ADGRL4: variants seen among roughly 807,000 people sequenced by gnomAD.
ADGRL4 encodes the protein EGF, latrophilin and seven transmembrane domain containing 1.
In ADGRL4, 90 loss-of-function variants were observed where a neutral mutation model predicts 74.8. That is an observed-to-expected ratio of 1.20 (90% confidence interval 1.02 to 1.43). The LOEUF is 1.43. Ranked by LOEUF, ADGRL4 falls within the 40% of genes most tolerant of loss-of-function variation. The probability of loss-of-function intolerance (pLI) is 0.00; values close to 1 mark genes in which losing one functional copy is unlikely to be tolerated. For synonymous variants in ADGRL4, 311 were observed against 279.2 expected (o/e 1.11, Z -1.14); for missense variants, 881 against 814.3 (o/e 1.08, Z -1.00).
intron 2 of ADGRL4, among the ~76,000 whole-genome samples, chr1:78,976,859 A>C (rs1650294004): frequency 6.6e-6 from 1 of 151,526 alleles, no homozygotes. Context: ...ATTTAAGAAA[A>C]AAATACTAAC....
At chr1:78,945,177 A>AAAATATAT (rs376405445) in intron 3 of ADGRL4, among the ~76,000 whole-genome samples, 61 of 127,918 alleles carry the variant, frequency 4.8e-4, no homozygotes, top group Middle Eastern at 4.0e-3. Flanking sequence ...AAAAAAAAAA[A>AAAATATAT]ATATATATAT....
chr1:78,975,268 G>A (rs1425008478), intron 2 of ADGRL4, among the ~76,000 whole-genome samples: 1 of 151,976 alleles, frequency 6.6e-6, no homozygotes, highest in Non-Finnish European at 1.5e-5. Flanking sequence ...GATGAAGAAA[G>A]TATTAATTAC....
rs1212616999 is a variant in ADGRL4 at position 78,917,843 on chromosome 1, C to T, written c.1669G>A (p.Gly557Ser). Reference protein sequence around the residue: ...FSAALGYRYYGTTKVCWLSTE... With the variant: ...FSAALGYRYYSTTKVCWLSTE... ...ATTTTAACTTACACTTTGGTTGTGC[C>T]ATAATATCTGTATCCTAGTGCTGCC... The change falls in exon 11 of 15, where the codon GGC becomes AGC. Residue 557 changes from glycine to serine, a missense_variant. By Grantham distance (56) the Gly-to-Ser change is moderately conservative. Coordinates refer to ENST00000370742, the MANE Select transcript of ADGRL4 (RefSeq NM_022159.4). 1 of 1,612,344 alleles carries T rather than the reference C, an allele frequency of 6.2e-7. No homozygotes were observed. Among genetic ancestry groups the T allele is most frequent in the South Asian group, 1.1e-5 (1 of 91,018 alleles).
Position 78,905,682 on chromosome 1 carries a change from T to C in ADGRL4, c.1749+11952A>G, listed in dbSNP as rs532886646. Among the ~76,000 whole-genome samples, 3 of 152,144 alleles carry C rather than the reference T, an allele frequency of 2.0e-5. No homozygotes were observed. The South Asian group carries it at 6.2e-4, about 32-fold the overall frequency. On this transcript the variant is annotated intron_variant, in intron 12 of 14. Transcript: ENST00000370742. ...ACAAGGACAAAGACTATTTTCTATT[T>C]TATTTGGTGATGTATTCTCAAGGCC...
intron 2 of ADGRL4, among the ~76,000 whole-genome samples, chr1:78,968,918 A>G (rs1270954096): frequency 6.6e-6 from 1 of 152,240 alleles, no homozygotes; most frequent in Non-Finnish European, 1.5e-5. Context: ...TAATATTGGA[A>G]TAAAGGAAAA....
intron 6 of ADGRL4, among the ~76,000 whole-genome samples, chr1:78,937,143 A>C (rs1413421970): frequency 6.6e-6 from 1 of 152,202 alleles, no homozygotes; most frequent in Admixed American, 6.5e-5. Flanking sequence ...CTTAAATAGA[A>C]GTTTAAATGT....
At position 78,920,331 on chromosome 1, in the gene ADGRL4, G is replaced by A; in HGVS notation, c.1313C>T (p.Ser438Leu). 6.2e-7 allele frequency: 1 copy of A among 1,608,364 alleles called. No individual in the cohort carries two copies. Among genetic ancestry groups the A allele is most frequent in the Non-Finnish European group, 8.5e-7 (1 of 1,175,732 alleles). Reference sequence around the variant, plus strand: ...AATGCATATGGCAAGACAAATCAGTGAAATAATTATTCCTAGTTGAGTGAT... The same window carrying A: ...AATGCATATGGCAAGACAAATCAGTAAAATAATTATTCCTAGTTGAGTGAT... ...TRITQLGIII[S>L]LICLAICIFT... The change falls in exon 10 of 15, where the codon TCA becomes TTA. Residue 438 changes from serine to leucine, a missense_variant. Coordinates refer to ENST00000370742, the MANE Select transcript of ADGRL4 (RefSeq NM_022159.4).
chr1:78,963,372 T>A (rs1265261503), intron 2 of ADGRL4, among the ~76,000 whole-genome samples: 1 of 152,192 alleles, frequency 6.6e-6, no homozygotes, highest in Non-Finnish European at 1.5e-5. Flanking sequence ...TTTGCCTACC[T>A]GATCTCAAAC....
intron 2 of ADGRL4, among the ~76,000 whole-genome samples, chr1:78,955,213 T>C (rs1303557414): frequency 6.6e-6 from 1 of 152,102 alleles, no homozygotes; most frequent in African/African-American, 2.4e-5. Flanking sequence ...CTCTTGTATA[T>C]TTACATGACA....
chr1:78,975,822 A>C (rs1467319540), intron 2 of ADGRL4, among the ~76,000 whole-genome samples: 1 of 151,928 alleles, frequency 6.6e-6, no homozygotes, highest in Admixed American at 6.6e-5. Flanking sequence ...AGAGACACAA[A>C]GTTTTGAAAC....
At chr1:78,918,077 C>T (rs1389339119) in intron 10 of ADGRL4, 27 bp from the exon 11 acceptor site, 2 of 1,353,338 alleles carry the variant, frequency 1.5e-6, no homozygotes, top group East Asian at 2.3e-5. Context: ...AAAAAAAAAA[C>T]ATTGTCAGTG....
intron 6 of ADGRL4, 150 bp downstream of exon 6, chr1:78,937,657 T>C (rs2100687732): frequency 1.5e-6 from 1 of 656,058 alleles, no homozygotes; most frequent in East Asian, 2.7e-5. Context: ...GCTTTTGCAA[T>C]ATGCATCACC....
At chr1:78,956,025 C>A (rs1649821557) in intron 2 of ADGRL4, among the ~76,000 whole-genome samples, 2 of 151,980 alleles carry the variant, frequency 1.3e-5, no homozygotes, top group African/African-American at 4.8e-5. Context: ...TTTGAATTAC[C>A]TTTGGTATCC....
chr1:78,983,063 CCAAGCTGA>C (rs1650427693), intron 2 of ADGRL4, among the ~76,000 whole-genome samples: 1 of 151,738 alleles, frequency 6.6e-6, no homozygotes, highest in South Asian at 2.1e-4. Context: ...CATAGAAACT[CCAAGCTGA>C]CAAACAGCAG....
chr1:78,927,203 A>G (rs776067216), intron 7 of ADGRL4, 112 bp from the exon 8 acceptor site: 24 of 700,964 alleles, frequency 3.4e-5, no homozygotes, highest in Non-Finnish European at 5.2e-5. Context: ...AGAAATTTAT[A>G]CAAATCCCCA....
chr1:78,987,737 T>C (rs1650526992), intron 2 of ADGRL4, among the ~76,000 whole-genome samples: 1 of 151,814 alleles, frequency 6.6e-6, no homozygotes, highest in Non-Finnish European at 1.5e-5. Context: ...TCTTTGCTGC[T>C]ATCTTTTCCT....
intron 2 of ADGRL4, among the ~76,000 whole-genome samples, chr1:78,957,484 C>T (rs112125498): frequency 0.032 from 4,828 of 152,232 alleles, 96 homozygotes; most frequent in South Asian, 0.052. Flanking sequence ...ATTGTTGATA[C>T]GGTGAAAGTT....
intron 3 of ADGRL4, among the ~76,000 whole-genome samples, chr1:78,942,758 G>T (rs536739751): frequency 1.3e-5 from 2 of 152,100 alleles, no homozygotes; most frequent in South Asian, 4.2e-4. Flanking sequence ...GCAAGAACCT[G>T]TCTCTACTAA....
Position 79,005,104 on chromosome 1 carries a change from C to A in ADGRL4, c.138G>T (p.Met46Ile). 6.2e-7 allele frequency: 1 copy of A among 1,612,450 alleles called. No homozygotes were observed. Among genetic ancestry groups the A allele is most frequent in the Non-Finnish European group, 8.5e-7 (1 of 1,179,504 alleles). The change falls in exon 2 of 15, where the codon ATG becomes ATT. Residue 46 changes from methionine (M) to isoleucine (I), a missense_variant. Transcript: ENST00000370742. ...TTGTGACACCATTTCCTGAAAATCC[C>A]ATGTTGCAATAGCAGGCTTCAATTC... ...RNGIEACYCN[M>I]GFSGNGVTIC...
Sources: allele counts gnomAD v4.1 joint callset (sites outside exome capture counted in the v4.1 genomes callset), GRCh38; gene constraint gnomAD v4.1.1; transcripts MANE v1.5; gene names NCBI Gene and HGNC (gene_info 2026-07-23, HGNC 2026-07-21).